The following ROR2 variants were observed in gnomAD, a reference collection of about 807,000 sequenced individuals.
ROR2 encodes the protein ROR family WNT receptor 2.
A neutral mutation model predicts 74.9 loss-of-function variants in ROR2; 33 were observed. That is an observed-to-expected ratio of 0.44 (90% CI 0.33 to 0.59). The LOEUF (loss-of-function observed/expected upper bound fraction) is 0.59. Among genes scored for constraint, ROR2 ranks in the 20% least tolerant of loss-of-function variants. ROR2 has a pLI of 0.02. For synonymous variants in ROR2, 586 were observed against 558.7 expected, an observed-to-expected ratio of 1.05 and a Z score of -0.69; for missense variants, 1,216 against 1,313.8, an observed-to-expected ratio of 0.93 and a Z score of 1.15.
At chr9:91,764,972 T>C (rs901309108) in intron 2 of ROR2, among the ~76,000 whole-genome samples, 1 of 152,216 alleles carries the variant, frequency 6.6e-6, no homozygotes, top group Admixed American at 6.5e-5. Flanking sequence ...TTTCAATATT[T>C]TTCCTTTGTC....
At chr9:91,919,791 A>G (rs1264753376) in intron 1 of ROR2, among the ~76,000 whole-genome samples, 1 of 151,974 alleles carries the variant, frequency 6.6e-6, no homozygotes, top group African/African-American at 2.4e-5. Flanking sequence ...CCGATCTCAC[A>G]CTTTTCCTCC....
intron 2 of ROR2, among the ~76,000 whole-genome samples, chr9:91,767,275 A>G (rs1826089796): frequency 6.6e-6 from 1 of 151,854 alleles, no homozygotes; most frequent in African/African-American, 2.4e-5. Context: ...GGGTTTCACT[A>G]TGTTGGCCAT....
chr9:91,748,934 G>A (rs1227331245), intron 4 of ROR2, among the ~76,000 whole-genome samples: 1 of 152,138 alleles, frequency 6.6e-6, no homozygotes, highest in Non-Finnish European at 1.5e-5. Flanking sequence ...GGCTGAGGCA[G>A]AGAATCACTT....
intron 1 of ROR2, among the ~76,000 whole-genome samples, chr9:91,909,897 C>G (rs900269460): frequency 1.4e-4 from 13 of 92,570 alleles, no homozygotes; most frequent in Middle Eastern, 0.013. Flanking sequence ...GAGTCTTGCT[C>G]TGTGGCCCAG....
At chr9:91,765,980 A>C (rs936150790) in intron 2 of ROR2, among the ~76,000 whole-genome samples, 1 of 152,166 alleles carries the variant, frequency 6.6e-6, no homozygotes, top group African/African-American at 2.4e-5. Flanking sequence ...TCCAATTCCA[A>C]GTGAAATCAG....
At chr9:91,849,872 T>C (rs1198175037) in intron 1 of ROR2, among the ~76,000 whole-genome samples, 4 of 152,254 alleles carry the variant, frequency 2.6e-5, no homozygotes, top group African/African-American at 9.6e-5. Flanking sequence ...TGCATGCTAC[T>C]TGGAGATCTT....
chr9:91,821,785 G>A (rs765849438), intron 1 of ROR2, among the ~76,000 whole-genome samples: 42 of 152,166 alleles, frequency 2.8e-4, no homozygotes, highest in Non-Finnish European at 2.1e-4. Context: ...CTCCAGCCCC[G>A]GCGTCATTAC....
intron 3 of ROR2, 135 bp from the exon 4 acceptor site, chr9:91,756,236 T>C: frequency 1.3e-6 from 1 of 793,354 alleles, no homozygotes; most frequent in East Asian, 2.6e-5. Context: ...GGCCTCAGGC[T>C]CCACTCGTGA....
intron 1 of ROR2, among the ~76,000 whole-genome samples, chr9:91,898,621 G>A (rs1830596116): frequency 6.6e-6 from 1 of 152,214 alleles, no homozygotes; most frequent in Admixed American, 6.5e-5. Context: ...CACTTCCCCA[G>A]GGAATGAGAA....
At chr9:91,794,569 T>G (rs1050535338) in intron 1 of ROR2, among the ~76,000 whole-genome samples, 1 of 152,176 alleles carries the variant, frequency 6.6e-6, no homozygotes, top group South Asian at 2.1e-4. Context: ...TTTAGCACAT[T>G]TAGGCATTTC....
intron 1 of ROR2, among the ~76,000 whole-genome samples, chr9:91,845,348 T>A (rs1454644367): frequency 6.6e-6 from 1 of 152,048 alleles, no homozygotes; most frequent in Non-Finnish European, 1.5e-5. Flanking sequence ...CAAATCCAAG[T>A]CTTTCAGGTG....
intron 1 of ROR2, among the ~76,000 whole-genome samples, chr9:91,783,781 G>A (rs187723577): frequency 4.4e-4 from 67 of 152,314 alleles, no homozygotes; most frequent in Non-Finnish European, 7.6e-4. Flanking sequence ...CCTGACTGCT[G>A]TGGGTAACGA....
chr9:91,891,407 T>C (rs1830416598), intron 1 of ROR2, among the ~76,000 whole-genome samples: 1 of 152,170 alleles, frequency 6.6e-6, no homozygotes, highest in Non-Finnish European at 1.5e-5. Context: ...TAGCTGGGAT[T>C]ACAGGCACCC....
intron 1 of ROR2, among the ~76,000 whole-genome samples, chr9:91,941,218 C>T (rs1279451147): frequency 3.3e-5 from 5 of 151,142 alleles, no homozygotes; most frequent in African/African-American, 9.7e-5. Flanking sequence ...AAGATGGTCT[C>T]GATCTGCTGA....
At chr9:91,810,940 C>T (rs559099597) in intron 1 of ROR2, among the ~76,000 whole-genome samples, 1 of 152,242 alleles carries the variant, frequency 6.6e-6, no homozygotes, top group South Asian at 2.1e-4. Context: ...GGTACAAGGA[C>T]AAGTGGTATC....
intron 1 of ROR2, among the ~76,000 whole-genome samples, chr9:91,801,570 A>G (rs898168110): frequency 3.3e-5 from 5 of 152,076 alleles, no homozygotes; most frequent in Non-Finnish European, 5.9e-5. Context: ...TGACCTCGTG[A>G]TCACCCCCCT....
chr9:91,911,933 C>CAAAAAAAAAAAAAAAAAAAA (rs747087662), intron 1 of ROR2, among the ~76,000 whole-genome samples: 4 of 76,392 alleles, frequency 5.2e-5, no homozygotes, highest in Admixed American at 1.5e-4. Context: ...TGAGTCTAAG[C>CAAAAAAAAAAAAAAAAAAAA]AAAAAAAAAA....
At chr9:91,942,952 C>T (rs1831915739) in intron 1 of ROR2, among the ~76,000 whole-genome samples, 1 of 152,202 alleles carries the variant, frequency 6.6e-6, no homozygotes, top group Non-Finnish European at 1.5e-5. Flanking sequence ...CCGTTTATGG[C>T]ATTTTGCTAC....
At position 91,843,412 on chromosome 9, in the gene ROR2, T is replaced by C. The variant is rs184888386; in HGVS notation, c.98-67594A>G. On this transcript the variant is annotated intron_variant, in intron 1 of 8. Transcript: ENST00000375708. ...CCCATCAAGACAGTCTGTTGTATCC[T>C]AGACTTATTTTTCCAGAAATGTTCT... is the stretch of plus-strand genomic sequence containing the variant. Among the ~76,000 whole-genome samples the C allele has an allele frequency of 7.2e-5, 11 of 152,354 alleles. No individual in the cohort carries two copies. In the East Asian group the frequency reaches 1.9e-3, roughly 27 times the overall value.
Sources: gnomAD v4.1 joint callset for allele counts (sites outside exome capture counted in the v4.1 genomes callset) on GRCh38, gnomAD v4.1.1 for gene constraint, MANE v1.5 for transcripts, NCBI Gene and HGNC (gene_info 2026-07-23, HGNC 2026-07-21) for gene names.